The following CHAF1A variants were observed in gnomAD, a reference collection of about 807,000 sequenced individuals.
CHAF1A encodes the protein CAF-1 subunit A.
A neutral mutation model predicts 93.2 loss-of-function variants in CHAF1A; 5 were observed. The observed-to-expected ratio is 0.05, with a 90% CI of 0.03 to 0.11. CHAF1A has a LOEUF of 0.11. Among genes scored for constraint, CHAF1A ranks in the 10% least tolerant of loss-of-function variants. CHAF1A has a pLI of 1.00. For synonymous variants in CHAF1A, 504 were observed against 510.3 expected (o/e 0.99, Z 0.17); for missense variants, 1,102 against 1,259.9 (o/e 0.87, Z 1.90).
intron 7 of CHAF1A, among the ~76,000 whole-genome samples, chr19:4,424,782 A>G (rs1974051100): frequency 6.6e-6 from 1 of 152,068 alleles, no homozygotes; most frequent in Admixed American, 6.6e-5. Context: ...TTACAGGCAC[A>G]TGCTACCACA....
chr19:4,449,861 TACATAATA>T (rs1974619060), downstream of CHAF1A: 2 of 151,930 alleles, frequency 1.3e-5, no homozygotes, highest in African/African-American at 4.8e-5. Context: ...CCCACCATGT[TACATAATA>T]ACATGCTCCA....
At chr19:4,428,236 CCCT>C (rs539054985) in intron 7 of CHAF1A, among the ~76,000 whole-genome samples, 24 of 151,998 alleles carry the variant, frequency 1.6e-4, no homozygotes, top group African/African-American at 5.8e-4. Flanking sequence ...AGGTGATCCG[CCCT>C]CCTCAGCCTC....
intron 13 of CHAF1A, among the ~76,000 whole-genome samples, chr19:4,440,670 G>A (rs953164923): frequency 1.3e-5 from 2 of 152,026 alleles, no homozygotes; most frequent in African/African-American, 4.8e-5. Context: ...GGGCTAGGTT[G>A]CTCTTACACA....
At chr19:4,440,358 A>G (rs980753181) in intron 13 of CHAF1A, among the ~76,000 whole-genome samples, 4 of 151,484 alleles carry the variant, frequency 2.6e-5, no homozygotes, top group African/African-American at 9.7e-5. Context: ...TTGTCATCCC[A>G]GCACTTTAGG....
intron 3 of CHAF1A, among the ~76,000 whole-genome samples, chr19:4,411,777 A>G (rs893315780): frequency 6.6e-6 from 1 of 150,622 alleles, no homozygotes; most frequent in Non-Finnish European, 1.5e-5. Context: ...CCTCTTGAGT[A>G]GCTGGGATTA....
At position 4,433,055 on chromosome 19, in the gene CHAF1A, G is replaced by A. The variant is rs1461879857; in HGVS notation, c.2204-15G>A. On this transcript the variant is annotated splice_polypyrimidine_tract_variant and intron_variant, in intron 12 of 14. Coordinates refer to ENST00000301280, the MANE Select transcript of CHAF1A (RefSeq NM_005483.3). The surrounding 1 kb of genome is among the most constrained non-coding windows in gnomAD (Gnocchi z 5.6). ...CTCCCCAAGCCTCATGCCCACCCAT[G>A]TTCCCTCCTGCCAGTCCTGGCCCAG... 4 of 1,531,982 alleles carry A rather than the reference G, an allele frequency of 2.6e-6. No individual in the cohort carries two copies. The East Asian group carries it at 9.6e-5, about 37-fold the overall frequency. The allele number at this position is 1,531,982 out of a possible 1,614,324, so 94.9% of individuals were successfully genotyped here.
downstream of CHAF1A, chr19:4,446,762 A>C: frequency 2.5e-6 from 4 of 1,610,418 alleles, no homozygotes; most frequent in South Asian, 1.1e-5. Flanking sequence ...CAATGGAGAG[A>C]CCCCCAAGCC....
chr19:4,418,214 T>C, intron 4 of CHAF1A, 138 bp downstream of exon 4: 1 of 587,092 alleles, frequency 1.7e-6, no homozygotes, highest in Admixed American at 3.3e-5. Flanking sequence ...TGATTCCTGC[T>C]TCATTTTAAG....
chr19:4,433,987 C>A lies in CHAF1A; in HGVS notation c.2673+448C>A, dbSNP rs1328689860. 1.3e-5 allele frequency among the ~76,000 whole-genome samples: 2 copies of A among 152,100 alleles called. No homozygotes were observed. Among genetic ancestry groups the A allele is most frequent in the Non-Finnish European group, 2.9e-5 (2 of 68,018 alleles). ...GGAAGGTACAGAAAGTTCCCATACA[C>A]CTCCTTCCCCAAAGCCAAGCCAAGC... On this transcript the variant is annotated intron_variant, in intron 13 of 14. Coordinates refer to ENST00000301280, the MANE Select transcript of CHAF1A (RefSeq NM_005483.3). The surrounding 1 kb of genome is among the most constrained non-coding windows in gnomAD (Gnocchi z 5.6).
chr19:4,424,697 C>T (rs778758978), intron 7 of CHAF1A, among the ~76,000 whole-genome samples: 4 of 152,124 alleles, frequency 2.6e-5, no homozygotes, highest in Non-Finnish European at 5.9e-5. Context: ...TACAGTGGTG[C>T]GATCTCAGCT....
intron 14 of CHAF1A, among the ~76,000 whole-genome samples, 185 bp from the exon 15 acceptor site, chr19:4,442,740 G>T (rs139570803): frequency 6.6e-6 from 1 of 152,316 alleles, no homozygotes; most frequent in African/African-American, 2.4e-5. Flanking sequence ...GGGTCAACCT[G>T]AGAGCAGGTG....
chr19:4,424,715 A>G (rs937839124), intron 7 of CHAF1A, among the ~76,000 whole-genome samples: 1 of 152,232 alleles, frequency 6.6e-6, no homozygotes, highest in South Asian at 2.1e-4. Flanking sequence ...GCTCACTGCA[A>G]CGTCCACCTC....
At position 4,422,491 on chromosome 19, in the gene CHAF1A, C is replaced by A; in HGVS notation, c.1018-75C>A. 2 of 1,344,922 alleles carry A rather than the reference C, an allele frequency of 1.5e-6. No homozygotes were observed. Among genetic ancestry groups the A allele is most frequent in the Non-Finnish European group, 2.1e-6 (2 of 963,630 alleles). 83.3% of individuals were successfully genotyped at this position (1,344,922 alleles called of 1,614,324 possible). ...TTCATCCCGTCCAGGCCGTGCTGTC[C>A]TCCATGCTGTGAACCGAGCTTCCTC... On this transcript the variant is annotated intron_variant, in intron 4 of 14. Transcript: ENST00000301280. This position sits in a 1 kb window ranked among gnomAD's most constrained non-coding sequence, Gnocchi z 4.6.
intron 5 of CHAF1A, 107 bp from the exon 6 acceptor site, chr19:4,423,228 C>T (rs1378659606): frequency 6.7e-7 from 1 of 1,491,044 alleles, no homozygotes; most frequent in African/African-American, 1.4e-5. Flanking sequence ...AACTTATATT[C>T]ATTTAATGTA....
At chr19:4,413,507 C>A (rs759943257) in intron 3 of CHAF1A, among the ~76,000 whole-genome samples, 1 of 152,138 alleles carries the variant, frequency 6.6e-6, no homozygotes, top group Non-Finnish European at 1.5e-5. Flanking sequence ...ATTGCAGGGG[C>A]GAGCTGGTGG....
downstream of CHAF1A, chr19:4,448,577 C>T: frequency 4.6e-6 from 3 of 645,628 alleles, no homozygotes; most frequent in South Asian, 1.9e-5. Context: ...CCTCCAAGAC[C>T]GCAGCCCTGC....
Position 4,409,596 on chromosome 19 carries a change from C to A in CHAF1A, c.797C>A (p.Thr266Asn), listed in dbSNP as rs755682661. ...GCCACACCCCAAGGCAAGAACATGA[C>A]CCCTGAGAGTGAGGTGCTGGAATCT... ...LPATPQGKNMTPESEVLESFP... is the reference protein window; with the variant it reads ...LPATPQGKNMNPESEVLESFP... Residue 266 changes from threonine to asparagine, a missense_variant, in exon 3 of 15, where the codon ACC (threonine) becomes AAC (asparagine). Physicochemically the swap from Thr to Asn is moderately conservative, Grantham distance 65. Around this residue, in one of 6 missense-constraint regions of CHAF1A, gnomAD observed 379 missense variants for 365.7 expected, o/e 1.04. Coordinates refer to ENST00000301280, the MANE Select transcript of CHAF1A (RefSeq NM_005483.3). 3 of 1,614,130 alleles carry A rather than the reference C, an allele frequency of 1.9e-6. No individual in the cohort carries two copies. Among genetic ancestry groups the A allele is most frequent in the South Asian group, 2.2e-5 (2 of 91,070 alleles).
intron 7 of CHAF1A, among the ~76,000 whole-genome samples, chr19:4,425,134 A>G (rs935180880): frequency 1.3e-5 from 2 of 152,182 alleles, no homozygotes; most frequent in Non-Finnish European, 2.9e-5. Context: ...AAGGTGCACA[A>G]TGTGACATTG....
intron 10 of CHAF1A, 106 bp from the exon 11 acceptor site, chr19:4,430,443 G>A (rs1238029549): frequency 9.8e-6 from 7 of 713,424 alleles, no homozygotes; most frequent in Non-Finnish European, 1.5e-5. Context: ...CTCCCAAAGT[G>A]CTGGGATTAG....
Sources: allele counts gnomAD v4.1 joint callset (sites outside exome capture counted in the v4.1 genomes callset), GRCh38; gene constraint gnomAD v4.1.1; regional missense constraint gnomAD v4.1.1; non-coding constraint Gnocchi (gnomAD v3.1); transcripts MANE v1.5; gene names NCBI Gene and HGNC (gene_info 2026-07-23, HGNC 2026-07-21).